The following MEST variants were observed in gnomAD, a reference collection of about 807,000 sequenced individuals.
MEST encodes the protein mesoderm-specific transcript homolog protein.
In MEST, 18 loss-of-function variants were observed where a neutral mutation model predicts 50.9. The ratio of observed to expected loss-of-function variants is 0.35; its 90% CI spans 0.24 to 0.52. The LOEUF is 0.52. Among genes scored for constraint, MEST ranks in the 20% least tolerant of loss-of-function variants. MEST has a pLI of 0.94. For missense variants in MEST, 282 were observed against 425.3 expected, an observed-to-expected ratio of 0.66 and a Z score of 2.96; for synonymous variants, 130 against 154.1, an observed-to-expected ratio of 0.84 and a Z score of 1.16.
upstream of MEST, chr7:130,487,950 G>C (rs1798674461): frequency 6.6e-6 from 1 of 152,230 alleles, no homozygotes; most frequent in South Asian, 2.1e-4. Flanking sequence ...CGGCCACATT[G>C]GTTAATTTGG....
rs1799113340 is a variant in MEST at position 130,497,607 on chromosome 7, T to C, written c.262-329T>C. 3.6e-6 allele frequency: 1 copy of C among 281,486 alleles called. No homozygotes were observed. The highest frequency in any genetic ancestry group is 6.6e-6 in the Non-Finnish European group (1 of 151,392). 17.4% of individuals were successfully genotyped at this position (281,486 alleles called of 1,614,324 possible). A position where few individuals can be genotyped will look rare whatever the true frequency, so the allele number is the denominator to read the frequency against. Reference sequence around the variant, plus strand: ...ATTTAAAAAACCTCAAGGATTTTGTTGTCAGCACCAGAAGGCTCTTGCACA... The same window carrying C: ...ATTTAAAAAACCTCAAGGATTTTGTCGTCAGCACCAGAAGGCTCTTGCACA... On this transcript the variant is annotated intron_variant, in intron 3 of 11. Transcript: ENST00000223215. The surrounding 1 kb of genome is among the most constrained non-coding windows in gnomAD (Gnocchi z 4.0).
chr7:130,494,776 G>A (rs1354188536), intron 1 of MEST: 37 of 953,534 alleles, frequency 3.9e-5, no homozygotes, highest in Non-Finnish European at 4.2e-5. Context: ...AATCCAGAAA[G>A]GAGTACTAAA....
chr7:130,504,281 T>C (rs1799390716), intron 11 of MEST, among the ~76,000 whole-genome samples: 1 of 152,236 alleles, frequency 6.6e-6, no homozygotes, highest in South Asian at 2.1e-4. Flanking sequence ...AGTCAAAGGT[T>C]GAAAGTGGAT....
Position 130,495,962 on chromosome 7 carries a change from G to T in MEST, c.181+440G>T, listed in dbSNP as rs1198948295. 3 of 369,914 alleles carry T rather than the reference G, an allele frequency of 8.1e-6. No homozygotes were observed. In the East Asian group the frequency reaches 2.6e-4, roughly 32 times the overall value. The allele number at this position is 369,914 out of a possible 1,614,324, so 22.9% of individuals were successfully genotyped here. On this transcript the variant is annotated intron_variant, in intron 2 of 11. Transcript: ENST00000223215. ...ATTTGCTAGTGATGATGATTATTAT[G>T]ACCACTACTTATCAAGTAATTACCA...
intron 2 of MEST, 141 bp downstream of exon 2, chr7:130,495,663 G>T: frequency 1.2e-6 from 1 of 849,476 alleles, no homozygotes; most frequent in Non-Finnish European, 1.7e-6. Flanking sequence ...TAGTGTGCTT[G>T]CAGAGAAGCG....
At chr7:130,490,365 T>C (rs986641689), upstream of MEST, among the ~76,000 whole-genome samples, 1 of 152,214 alleles carries the variant, frequency 6.6e-6, no homozygotes, top group Non-Finnish European at 1.5e-5. Context: ...GAGCCTCCGG[T>C]GCTTTGCGAA....
Position 130,505,892 on chromosome 7 carries a change from C to T in MEST, c.*836C>T, listed in dbSNP as rs1554439786. The T allele has an allele frequency of 6.6e-6, 1 of 152,232 alleles. No homozygotes were observed. The highest frequency in any genetic ancestry group is 2.4e-5 in the African/African-American group (1 of 41,442). The allele number at this position is 152,232 out of a possible 1,614,324, so 9.4% of individuals were successfully genotyped here. A position where few individuals can be genotyped will look rare whatever the true frequency, so the allele number is the denominator to read the frequency against. Reference sequence around the variant, plus strand: ...CAGCAAATAACAGTCTGAGACTCCTCATACCTCAGTGGTTAGAAGCATGTC... The same window carrying T: ...CAGCAAATAACAGTCTGAGACTCCTTATACCTCAGTGGTTAGAAGCATGTC... On this transcript the variant is annotated 3_prime_UTR_variant, in exon 12 of 12. Coordinates refer to ENST00000223215, the MANE Select transcript of MEST (RefSeq NM_002402.4).
Position 130,492,257 on chromosome 7 carries a change from C to G in MEST, c.-57C>G. The G allele has an allele frequency of 7.6e-7, 1 of 1,319,310 alleles. No individual in the cohort carries two copies. Among genetic ancestry groups the G allele is most frequent in the South Asian group, 2.2e-5 (1 of 44,706 alleles). 81.7% of individuals were successfully genotyped at this position (1,319,310 alleles called of 1,614,324 possible). A position where few individuals can be genotyped will look rare whatever the true frequency, so the allele number is the denominator to read the frequency against. ...CTGGCCAGCTCTGCACGGCTGCGGG[C>G]TCTGCGGCGCCCGGTGCTCTGCAAC... On this transcript the variant is annotated 5_prime_UTR_variant, in exon 1 of 12. Transcript: ENST00000223215. The surrounding 1 kb of genome is among the most constrained non-coding windows in gnomAD (Gnocchi z 7.6).
At chr7:130,491,201 T>G (rs1426216052), upstream of MEST, 1 of 152,264 alleles carries the variant, frequency 6.6e-6, no homozygotes, top group African/African-American at 2.4e-5. This position sits in a 1 kb window ranked among gnomAD's most constrained non-coding sequence, Gnocchi z 6.8. Context: ...AATTCCTCCC[T>G]CTTTCTTGTG....
In MEST at chr7:130,497,533, G is replaced by A. The variant is rs1391562281; in HGVS notation, c.261+298G>A. 3 of 266,412 alleles carry A rather than the reference G, an allele frequency of 1.1e-5. No homozygotes were observed. Among genetic ancestry groups the A allele is most frequent in the African/African-American group, 4.5e-5 (2 of 44,470 alleles). 16.5% of individuals were successfully genotyped at this position (266,412 alleles called of 1,614,324 possible). The stretch of plus-strand genomic sequence containing the variant: ...GATTGCACCACTGCACTTCAGCCTA[G>A]GTGACAGAGCGAGAGTCTGTCTCAA... On this transcript the variant is annotated intron_variant, in intron 3 of 11. Coordinates refer to ENST00000223215, the MANE Select transcript of MEST (RefSeq NM_002402.4). The surrounding 1 kb of genome is among the most constrained non-coding windows in gnomAD (Gnocchi z 4.0).
intron 6 of MEST, 147 bp from the exon 7 acceptor site, chr7:130,499,728 G>C: frequency 1.7e-6 from 1 of 576,572 alleles, no homozygotes; most frequent in Non-Finnish European, 3.0e-6. Context: ...GAGGTGGCTT[G>C]CACCTGTAAT....
Position 130,497,047 on chromosome 7 carries a change from ATT to A in MEST, c.182-107_182-106del. 1 of 807,048 alleles carries A rather than the reference ATT, an allele frequency of 1.2e-6. No individual in the cohort carries two copies. The highest frequency in any genetic ancestry group is 1.9e-6 in the Non-Finnish European group (1 of 513,782). 50.0% of individuals were successfully genotyped at this position (807,048 alleles called of 1,614,324 possible). A position where few individuals can be genotyped will look rare whatever the true frequency, so the allele number is the denominator to read the frequency against. ...AAATAATTGTGTCATTTTAATGTCA[ATT>A]TGGTCACAGTTGCTTGTTCTTTGTA... is the stretch of plus-strand genomic sequence containing the variant. On this transcript the variant is annotated intron_variant, in intron 2 of 11. Transcript: ENST00000223215. The surrounding 1 kb of genome is among the most constrained non-coding windows in gnomAD (Gnocchi z 4.0).
rs782637315 is a variant in MEST at position 130,497,816 on chromosome 7, C to T, written c.262-120C>T. The T allele has an allele frequency of 4.1e-5, 34 of 828,380 alleles. No homozygotes were observed. The Admixed American group carries it at 5.6e-4, about 14-fold the overall frequency. 51.3% of individuals were successfully genotyped at this position (828,380 alleles called of 1,614,324 possible). On this transcript the variant is annotated intron_variant, in intron 3 of 11. Transcript: ENST00000223215. The surrounding 1 kb of genome is among the most constrained non-coding windows in gnomAD (Gnocchi z 4.0). ...TGTGGGACCTGTGGTAGTTTCATGGCGTTTTCTCTTTATGGAAGTCTGTTA... is the reference window on the plus strand; with the variant it reads ...TGTGGGACCTGTGGTAGTTTCATGGTGTTTTCTCTTTATGGAAGTCTGTTA...
intron 1 of MEST, chr7:130,494,912 A>AT (rs1798983562): frequency 1.1e-6 from 1 of 875,626 alleles, no homozygotes; most frequent in Non-Finnish European, 1.4e-6. Context: ...TTTTTTGAAC[A>AT]TTTTACTGGT....
intron 2 of MEST, 81 bp downstream of exon 2, chr7:130,495,603 C>T (rs2116252854): frequency 1.5e-6 from 2 of 1,375,182 alleles, no homozygotes; most frequent in South Asian, 2.7e-5. Flanking sequence ...GGCTATTGGT[C>T]TCTTGTTGCT....
chr7:130,492,324 G>A lies in MEST; in HGVS notation c.11G>A (p.Arg4Gln). Residue 4 changes from arginine (R) to glutamine (Q), a missense_variant, in exon 1 of 12, where the codon CGA becomes CAA. Transcript: ENST00000223215. This position sits in a 1 kb window ranked among gnomAD's most constrained non-coding sequence, Gnocchi z 7.6. MVR[R>Q]DRLRRMREWW... ...TGGGATAACGCGGCCATGGTGCGCC[G>A]AGATCGCCTCCGCAGGTGAGTGTGC... 1 of 1,341,744 alleles carries A rather than the reference G, an allele frequency of 7.5e-7. No individual in the cohort carries two copies. Among genetic ancestry groups the A allele is most frequent in the Non-Finnish European group, 9.6e-7 (1 of 1,045,876 alleles). The allele number at this position is 1,341,744 out of a possible 1,614,324, so 83.1% of individuals were successfully genotyped here.
intron 11 of MEST, among the ~76,000 whole-genome samples, 176 bp downstream of exon 11, chr7:130,504,172 A>G (rs1799385933): frequency 6.6e-6 from 1 of 152,264 alleles, no homozygotes; most frequent in African/African-American, 2.4e-5. Context: ...TAATTGTAGT[A>G]TCAAGACATT....
At chr7:130,501,139 A>C (rs903728428) in intron 9 of MEST, 1 of 368,512 alleles carries the variant, frequency 2.7e-6, no homozygotes, top group African/African-American at 2.1e-5. Context: ...TGCCTCCCTC[A>C]AGGTACAAGG....
At chr7:130,491,725 CGGCCTGTGGGGTTTGTGGGT>C (rs1170331791), upstream of MEST, among the ~76,000 whole-genome samples, 1 of 152,052 alleles carries the variant, frequency 6.6e-6, no homozygotes, top group Admixed American at 6.5e-5. This position sits in a 1 kb window ranked among gnomAD's most constrained non-coding sequence, Gnocchi z 6.8. Flanking sequence ...GGTTTGTGGG[CGGCCTGTGGGGTTTGTGGGT>C]GGTCTAAGGA....
Sources: gnomAD v4.1 joint callset for allele counts (sites outside exome capture counted in the v4.1 genomes callset) on GRCh38, gnomAD v4.1.1 for gene constraint, Gnocchi (gnomAD v3.1) non-coding constraint, MANE v1.5 for transcripts, NCBI Gene and HGNC (gene_info 2026-07-23, HGNC 2026-07-21) for gene names.